Variants in CD2AP observed in about 807,000 individuals in gnomAD.
The protein encoded by CD2AP is CD2-associated protein.
A neutral mutation model predicts 85.1 loss-of-function variants in CD2AP; 46 were observed. That is an observed-to-expected ratio of 0.54 (90% CI 0.43 to 0.69). The LOEUF (loss-of-function observed/expected upper bound fraction) is 0.69. CD2AP is among the 30% of genes least tolerant of loss of function. The probability of loss-of-function intolerance (pLI) is 0.00; values close to 1 mark genes in which losing one functional copy is unlikely to be tolerated. For missense variants in CD2AP, 769 were observed against 729.5 expected (o/e 1.05, Z -0.62); for synonymous variants, 255 against 252.9 (o/e 1.01, Z -0.08).
intron 1 of CD2AP, among the ~76,000 whole-genome samples, chr6:47,494,409 A>G (rs1258351321): frequency 6.6e-6 from 1 of 152,144 alleles, no homozygotes; most frequent in Non-Finnish European, 1.5e-5. Flanking sequence ...GGAAAGGGGA[A>G]ATATACTATT....
intron 12 of CD2AP, among the ~76,000 whole-genome samples, chr6:47,598,945 T>A (rs924136525): frequency 6.6e-6 from 1 of 150,532 alleles, no homozygotes; most frequent in Non-Finnish European, 1.5e-5. Flanking sequence ...TAAAAAAAAA[T>A]ACAGGAGCAT....
chr6:47,584,081 T>C (rs1023761728), intron 11 of CD2AP, among the ~76,000 whole-genome samples: 3 of 152,244 alleles, frequency 2.0e-5, no homozygotes, highest in Non-Finnish European at 4.4e-5. Flanking sequence ...TCTGGTCTTT[T>C]GTTCATTTTT....
At chr6:47,610,652 T>G (rs1262271760) in intron 16 of CD2AP, among the ~76,000 whole-genome samples, 1 of 151,846 alleles carries the variant, frequency 6.6e-6, no homozygotes, top group Non-Finnish European at 1.5e-5. Flanking sequence ...TAAAAATATG[T>G]TTTATATATT....
chr6:47,611,483 C>G (rs868582708), intron 16 of CD2AP, among the ~76,000 whole-genome samples: 1 of 151,754 alleles, frequency 6.6e-6, no homozygotes, highest in African/African-American at 2.4e-5. Flanking sequence ...TCGCTTTACT[C>G]TTATAATAGT....
intron 2 of CD2AP, among the ~76,000 whole-genome samples, chr6:47,532,369 A>G (rs1359441166): frequency 1.5e-5 from 2 of 137,226 alleles, no homozygotes; most frequent in African/African-American, 5.8e-5. Context: ...GTATATATAT[A>G]TATGTATACA....
chr6:47,493,063 T>C (rs1031645832), intron 1 of CD2AP, among the ~76,000 whole-genome samples: 2 of 152,202 alleles, frequency 1.3e-5, no homozygotes, highest in East Asian at 3.8e-4. Flanking sequence ...ATTCATATGC[T>C]ATAATCATGC....
chr6:47,545,512 T>C (rs995721969), intron 4 of CD2AP, among the ~76,000 whole-genome samples: 3 of 152,174 alleles, frequency 2.0e-5, no homozygotes, highest in Non-Finnish European at 4.4e-5. Flanking sequence ...TGATGCTCTC[T>C]TGAAAGTGCC....
intron 1 of CD2AP, among the ~76,000 whole-genome samples, chr6:47,485,365 T>C (rs564934095): frequency 6.6e-6 from 1 of 152,222 alleles, no homozygotes; most frequent in South Asian, 2.1e-4. Flanking sequence ...AATGTGTGTT[T>C]GTGTCTTATA....
At chr6:47,553,048 T>A (rs1767570029) in intron 4 of CD2AP, among the ~76,000 whole-genome samples, 1 of 152,078 alleles carries the variant, frequency 6.6e-6, no homozygotes, top group Non-Finnish European at 1.5e-5. Flanking sequence ...TTTGTTCATA[T>A]GTTAGTTATA....
At chr6:47,579,343 A>G (rs1768403806) in intron 8 of CD2AP, 42 bp from the exon 9 acceptor site, 1 of 1,241,212 alleles carries the variant, frequency 8.1e-7, no homozygotes, top group African/African-American at 1.5e-5. Context: ...TTAAAAAAAA[A>G]AAAAAGGTCT....
chr6:47,624,342 A>G lies in CD2AP; in HGVS notation c.*115A>G. The G allele has an allele frequency of 1.3e-6, 1 of 791,030 alleles. No individual in the cohort carries two copies. Among genetic ancestry groups the G allele is most frequent in the Non-Finnish European group, 2.2e-6 (1 of 448,856 alleles). 49.0% of individuals were successfully genotyped at this position (791,030 alleles called of 1,614,324 possible). A position where few individuals can be genotyped will look rare whatever the true frequency, so the allele number is the denominator to read the frequency against. ...CTGTTGTTGTGATAAATATGAGCAA[A>G]TGAAGTGTAATATCTATAGAAAAGT... On this transcript the variant is annotated 3_prime_UTR_variant, in exon 18 of 18. Coordinates refer to ENST00000359314, the MANE Select transcript of CD2AP (RefSeq NM_012120.3).
chr6:47,598,350 T>C, intron 12 of CD2AP, among the ~76,000 whole-genome samples: 1 of 150,944 alleles, frequency 6.6e-6, no homozygotes, highest in Non-Finnish European at 1.5e-5. Flanking sequence ...GGAGATTCCT[T>C]AAAGAACTAA....
intron 12 of CD2AP, among the ~76,000 whole-genome samples, chr6:47,596,792 G>A (rs1768964015): frequency 6.6e-6 from 1 of 152,040 alleles, no homozygotes; most frequent in Non-Finnish European, 1.5e-5. Context: ...GGAATTGCTA[G>A]ATCATATGAT....
intron 1 of CD2AP, among the ~76,000 whole-genome samples, chr6:47,494,455 A>C (rs1318235415): frequency 1.3e-5 from 2 of 152,136 alleles, no homozygotes; most frequent in Non-Finnish European, 2.9e-5. Context: ...TTTTTAGTGG[A>C]TCGATGTCCT....
intron 1 of CD2AP, among the ~76,000 whole-genome samples, chr6:47,496,278 G>T (rs1371645117): frequency 6.6e-6 from 1 of 152,044 alleles, no homozygotes; most frequent in Non-Finnish European, 1.5e-5. Context: ...ACACATTTAA[G>T]ATACTAATCT....
rs191136417 is a variant in CD2AP, at chr6:47,573,399, A to G, written c.542-665A>G. 1.1e-3 allele frequency among the ~76,000 whole-genome samples: 162 copies of G among 151,824 alleles called. No individual in the cohort carries two copies. In the South Asian group the frequency reaches 0.012, roughly 11 times the overall value. On this transcript the variant is annotated intron_variant, in intron 5 of 17. Transcript: ENST00000359314. The stretch of plus-strand genomic sequence containing the variant: ...TAACTTTGATTGGATTGAATCATAT[A>G]GCTTTAAAAAATAATCTTATGTCTT...
intron 5 of CD2AP, among the ~76,000 whole-genome samples, chr6:47,557,449 A>G (rs1429203850): frequency 6.6e-6 from 1 of 152,034 alleles, no homozygotes; most frequent in African/African-American, 2.4e-5. Context: ...TAGGGTTTTT[A>G]TGGTTTTAGG....
intron 11 of CD2AP, among the ~76,000 whole-genome samples, chr6:47,583,366 G>A (rs1768533799): frequency 6.6e-6 from 1 of 152,154 alleles, no homozygotes; most frequent in East Asian, 1.9e-4. Context: ...ATCCACCATT[G>A]TAGTATCATA....
At chr6:47,608,379 A>G (rs1769333138) in intron 15 of CD2AP, among the ~76,000 whole-genome samples, 1 of 152,178 alleles carries the variant, frequency 6.6e-6, no homozygotes, top group African/African-American at 2.4e-5. Context: ...TTAAGCATTC[A>G]GTATATACTG....
Sources: gnomAD v4.1 joint callset for allele counts (sites outside exome capture counted in the v4.1 genomes callset) on GRCh38, gnomAD v4.1.1 for gene constraint, MANE v1.5 for transcripts, NCBI Gene and HGNC (gene_info 2026-07-23, HGNC 2026-07-21) for gene names.